The following CDH18 variants were observed in gnomAD, a reference collection of about 807,000 sequenced individuals.
The protein encoded by CDH18 is cadherin 18, also known as cadherin-18.
A neutral mutation model predicts 67.9 loss-of-function variants in CDH18; 31 were observed. The observed-to-expected ratio is 0.46, with a 90% confidence interval of 0.34 to 0.62. CDH18 has a LOEUF of 0.62. CDH18 is among the 20% of genes least tolerant of loss of function. The pLI is 0.01. For synonymous variants in CDH18, 362 were observed against 347.2 expected, an observed-to-expected ratio of 1.04 and a Z score of -0.48; for missense variants, 890 against 975.5, an observed-to-expected ratio of 0.91 and a Z score of 1.17.
chr5:19,500,774 T>C (rs1743099097), intron 11 of CDH18, among the ~76,000 whole-genome samples: 1 of 152,158 alleles, frequency 6.6e-6, no homozygotes, highest in Admixed American at 6.6e-5. Flanking sequence ...GGGGAAAACC[T>C]ATATATGAGT....
intron 6 of CDH18, among the ~76,000 whole-genome samples, chr5:19,605,431 A>G (rs914831355): frequency 5.3e-5 from 8 of 151,986 alleles, no homozygotes; most frequent in African/African-American, 1.9e-4. Flanking sequence ...AATATTACTC[A>G]TTTAAAGTTA....
chr5:20,462,315 G>A (rs1033763353), intron 1 of CDH18, among the ~76,000 whole-genome samples: 3 of 152,102 alleles, frequency 2.0e-5, no homozygotes, highest in African/African-American at 7.2e-5. Flanking sequence ...AGTTGATCTC[G>A]TGGAAGTAGG....
intron 3 of CDH18, among the ~76,000 whole-genome samples, chr5:19,748,769 A>G (rs1770455524): frequency 6.6e-6 from 1 of 152,160 alleles, no homozygotes; most frequent in South Asian, 2.1e-4. Flanking sequence ...AAGACAATGC[A>G]ATATGAGAAA....
chr5:20,071,272 T>C (rs1050326675), intron 2 of CDH18, among the ~76,000 whole-genome samples: 1 of 152,116 alleles, frequency 6.6e-6, no homozygotes, highest in Non-Finnish European at 1.5e-5. Flanking sequence ...AAGACTTAGC[T>C]AAAGATTTAA....
At chr5:19,931,048 C>G (rs1793634130) in intron 2 of CDH18, among the ~76,000 whole-genome samples, 1 of 151,894 alleles carries the variant, frequency 6.6e-6, no homozygotes, top group Non-Finnish European at 1.5e-5. Flanking sequence ...TATTGAAATA[C>G]TTAAGTAGAC....
chr5:20,394,268 C>A (rs1256030505), intron 1 of CDH18, among the ~76,000 whole-genome samples: 1 of 151,864 alleles, frequency 6.6e-6, no homozygotes, highest in South Asian at 2.1e-4. Context: ...TAGTTACAAC[C>A]AATTTGTCTT....
At chr5:20,291,412 G>A (rs1396354945) in intron 1 of CDH18, among the ~76,000 whole-genome samples, 1 of 152,080 alleles carries the variant, frequency 6.6e-6, no homozygotes, top group Non-Finnish European at 1.5e-5. Flanking sequence ...GGTGATGGTG[G>A]GGAACCATGT....
chr5:20,141,369 C>T (rs889355974), intron 2 of CDH18, among the ~76,000 whole-genome samples: 5 of 152,160 alleles, frequency 3.3e-5, no homozygotes, highest in Non-Finnish European at 7.4e-5. Context: ...CTAGGAGGCA[C>T]CTGTACTAAC....
At position 20,036,391 on chromosome 5, in the gene CDH18, T is replaced by A. The variant is rs1580091333; in HGVS notation, c.-517-44377A>T. ...AATACATCCTAAATAAATTTAAAGA[T>A]GATACTTAAAAAGAAGAAAAAAGAA... On this transcript the variant is annotated intron_variant, in intron 2 of 14. Coordinates refer to the CDH18 transcript ENST00000507958. Among the ~76,000 whole-genome samples the A allele has an allele frequency of 4.6e-5, 7 of 151,712 alleles. No individual in the cohort carries two copies. The Middle Eastern group carries it at 0.02, about 442-fold the overall frequency.
At chr5:19,607,121 C>T (rs1056180843) in intron 6 of CDH18, among the ~76,000 whole-genome samples, 1 of 151,448 alleles carries the variant, frequency 6.6e-6, no homozygotes, top group Non-Finnish European at 1.5e-5. Flanking sequence ...TATAGAAAAG[C>T]TGAGAAAATT....
intron 1 of CDH18, among the ~76,000 whole-genome samples, chr5:20,396,720 G>T (rs1351377123): frequency 6.6e-6 from 1 of 151,980 alleles, no homozygotes; most frequent in Admixed American, 6.6e-5. Flanking sequence ...AATCAAAACT[G>T]AATGTAAAAC....
intron 2 of CDH18, among the ~76,000 whole-genome samples, chr5:20,025,292 AG>A (rs1414282489): frequency 6.6e-6 from 1 of 152,174 alleles, no homozygotes; most frequent in African/African-American, 2.4e-5. Context: ...TAAGGGTTCC[AG>A]GCTATGTCTT....
At chr5:20,331,122 A>G (rs981392451) in intron 1 of CDH18, among the ~76,000 whole-genome samples, 1 of 152,196 alleles carries the variant, frequency 6.6e-6, no homozygotes, top group Admixed American at 6.5e-5. Flanking sequence ...TAGGGAAAAT[A>G]TTAGTTGTAG....
chr5:20,090,464 G>A (rs992567682), intron 2 of CDH18, among the ~76,000 whole-genome samples: 11 of 152,112 alleles, frequency 7.2e-5, no homozygotes, highest in Admixed American at 2.0e-4. Flanking sequence ...GAACCTGGGA[G>A]GCAGAGGCTG....
intron 1 of CDH18, among the ~76,000 whole-genome samples, chr5:20,461,010 T>A (rs1751228295): frequency 6.6e-6 from 1 of 152,178 alleles, no homozygotes; most frequent in African/African-American, 2.4e-5. Flanking sequence ...GTCTCAATTT[T>A]CTCTGGGTTA....
chr5:20,051,272 TCTCA>T (rs771934225), intron 2 of CDH18, among the ~76,000 whole-genome samples: 26 of 152,080 alleles, frequency 1.7e-4, no homozygotes, highest in Middle Eastern at 3.4e-3. Context: ...TTTATTGAGC[TCTCA>T]CTATCTTTTC....
chr5:20,221,404 G>GA (rs1224735147), intron 2 of CDH18, among the ~76,000 whole-genome samples: 2 of 152,126 alleles, frequency 1.3e-5, no homozygotes, highest in Non-Finnish European at 2.9e-5. Flanking sequence ...TGTGGAATCT[G>GA]AAAAAACAAA....
intron 1 of CDH18, among the ~76,000 whole-genome samples, chr5:20,440,187 A>G (rs377673406): frequency 1.3e-5 from 2 of 151,928 alleles, no homozygotes; most frequent in African/African-American, 4.9e-5. Context: ...GAATTAGAAC[A>G]TAGCATTAGA....
chr5:19,703,235 T>C (rs191574110), intron 5 of CDH18, among the ~76,000 whole-genome samples: 1 of 152,228 alleles, frequency 6.6e-6, no homozygotes, highest in Admixed American at 6.5e-5. Flanking sequence ...GTCGAAGGGT[T>C]GCCAGAGTGA....
Sources: gnomAD v4.1 joint callset for allele counts (sites outside exome capture counted in the v4.1 genomes callset) on GRCh38, gnomAD v4.1.1 for gene constraint, MANE v1.5 for transcripts, NCBI Gene and HGNC (gene_info 2026-07-23, HGNC 2026-07-21) for gene names.